The following HYDIN variants were observed in gnomAD, a reference collection of about 807,000 sequenced individuals.
HYDIN encodes the protein HYDIN axonemal central pair apparatus protein, also known as axonemal central pair apparatus protein HYDIN.
Under a neutral mutation model 403.9 loss-of-function variants are expected in HYDIN, and 132 were observed. The ratio of observed to expected loss-of-function variants is 0.33; its 90% CI spans 0.28 to 0.38. The LOEUF (loss-of-function observed/expected upper bound fraction) is 0.38, where lower values mean the gene tolerates loss of function less well. HYDIN is among the 10% of genes least tolerant of loss of function. The pLI is 1.00. For synonymous variants in HYDIN, 1,202 were observed against 1,891.7 expected (o/e 0.64, Z 9.46); for missense variants, 2,827 against 5,009.5 (o/e 0.56, Z 13.15).
chr16:70,810,057 C>A, intron 84 of HYDIN, 50 bp from the exon 85 acceptor site: 1 of 1,547,262 alleles, frequency 6.5e-7, no homozygotes, highest in South Asian at 1.1e-5. Context: ...TAATTCATCA[C>A]CTGCCACCTA....
At chr16:71,198,671 T>C (rs1403231777) in intron 1 of HYDIN, among the ~76,000 whole-genome samples, 2 of 152,080 alleles carry the variant, frequency 1.3e-5, no homozygotes, top group African/African-American at 4.8e-5. Flanking sequence ...TGGTGCAAAG[T>C]GAGACTCCAT....
intron 23 of HYDIN, among the ~76,000 whole-genome samples, chr16:71,001,782 G>C (rs888825130): frequency 6.6e-5 from 10 of 151,678 alleles, no homozygotes; most frequent in Non-Finnish European, 1.5e-4. Flanking sequence ...GAGGTAGGGA[G>C]CCTGGAGGGA....
chr16:71,075,277 T>C (rs2082595134), intron 13 of HYDIN, among the ~76,000 whole-genome samples: 1 of 151,700 alleles, frequency 6.6e-6, no homozygotes, highest in Non-Finnish European at 1.5e-5. Flanking sequence ...TGTTTCTAAT[T>C]TTCAGCTAAG....
intron 75 of HYDIN, among the ~76,000 whole-genome samples, chr16:70,843,602 C>A (rs1485317400): frequency 7.2e-6 from 1 of 139,106 alleles, no homozygotes; most frequent in Non-Finnish European, 1.5e-5. Context: ...ATTCTAGGTC[C>A]CTGAGGAATC....
Position 70,974,527 on chromosome 16 carries a change from TG to T in HYDIN, c.4909+6del. 1 of 1,608,082 alleles carries T rather than the reference TG, an allele frequency of 6.2e-7. No individual in the cohort carries two copies. The highest frequency in any genetic ancestry group is 2.2e-5 in the East Asian group (1 of 44,716). ...GCAATAGGAAAGGGTCTCCCCAGCC[TG>T]GGTACCTGTCTCATGAAGGACACGC... On this transcript the variant is annotated splice_donor_region_variant and intron_variant, in intron 32 of 85. Transcript: ENST00000393567.
At chr16:71,027,546 A>T in intron 20 of HYDIN, 56 bp downstream of exon 20, 1 of 1,607,216 alleles carries the variant, frequency 6.2e-7, no homozygotes, top group East Asian at 2.2e-5. Flanking sequence ...AGAAATAGAT[A>T]CAGTAGAGAT....
chr16:71,129,510 A>G, intron 9 of HYDIN, 130 bp downstream of exon 9: 2 of 724,688 alleles, frequency 2.8e-6, no homozygotes, highest in Non-Finnish European at 2.2e-6. Context: ...AGTGATGGTG[A>G]GTTTCTTCAG....
intron 7 of HYDIN, among the ~76,000 whole-genome samples, chr16:71,141,155 A>G (rs1055006369): frequency 5.3e-5 from 8 of 150,446 alleles, no homozygotes; most frequent in African/African-American, 2.0e-4. Flanking sequence ...TCAGTGGAAT[A>G]GAATGAAGTC....
chr16:71,103,747 G>A (rs2083526167), intron 10 of HYDIN, among the ~76,000 whole-genome samples: 1 of 151,360 alleles, frequency 6.6e-6, no homozygotes, highest in Non-Finnish European at 1.5e-5. Flanking sequence ...GCATTTCCAT[G>A]TGAATTTTAG....
chr16:70,942,203 T>G (rs898871864), intron 42 of HYDIN, among the ~76,000 whole-genome samples: 9 of 150,462 alleles, frequency 6.0e-5, no homozygotes, highest in African/African-American at 2.2e-4. Flanking sequence ...TTTTGTATTT[T>G]TAGTAGAGAC....
At chr16:71,123,836 C>T (rs2084348522) in intron 9 of HYDIN, among the ~76,000 whole-genome samples, 1 of 152,042 alleles carries the variant, frequency 6.6e-6, no homozygotes, top group African/African-American at 2.4e-5. Flanking sequence ...ACTTGGTTCT[C>T]ATTCTTTCTT....
At chr16:71,047,068 T>A (rs916931636) in intron 18 of HYDIN, among the ~76,000 whole-genome samples, 5 of 152,196 alleles carry the variant, frequency 3.3e-5, no homozygotes, top group Non-Finnish European at 5.9e-5. Flanking sequence ...GCTAGCTGTA[T>A]AATTTAGTTG....
intron 47 of HYDIN, among the ~76,000 whole-genome samples, chr16:70,911,814 G>T (rs1298402797): frequency 6.7e-6 from 1 of 150,320 alleles, no homozygotes; most frequent in African/African-American, 2.5e-5. Context: ...TCCTTGCAGA[G>T]GTCTTTCACC....
chr16:71,203,274 T>C (rs763578217), intron 1 of HYDIN, among the ~76,000 whole-genome samples: 15 of 152,196 alleles, frequency 9.9e-5, no homozygotes, highest in Non-Finnish European at 1.3e-4. Flanking sequence ...TGAACCATCC[T>C]AGTGTCCTAA....
chr16:71,047,535 T>C (rs1293032883), intron 18 of HYDIN, among the ~76,000 whole-genome samples: 2 of 152,058 alleles, frequency 1.3e-5, no homozygotes, highest in Non-Finnish European at 2.9e-5. Flanking sequence ...ATCACTGTTA[T>C]CCTCTTTGGC....
rs2076969722 is a variant in HYDIN, at chr16:70,920,753, G to C, written c.7623C>G (p.Ala2541=). ...AERERLEKLR[A]LEERSDWEGE... ...CCTCCCAGTCGCTCCGCTCCTCCAG[G>C]GCTCGCAGCTTCTCCAGGCGCTCCC... The change falls in exon 46 of 86, where the codon GCC becomes GCG. Residue 2541 remains alanine (A), a synonymous_variant. Transcript: ENST00000393567. 1.3e-6 allele frequency: 2 copies of C among 1,567,926 alleles called. No individual in the cohort carries two copies. The highest frequency in any genetic ancestry group is 2.4e-5 in the East Asian group (1 of 42,410).
chr16:70,898,042 G>A (rs112866195), intron 53 of HYDIN, among the ~76,000 whole-genome samples: 4 of 151,510 alleles, frequency 2.6e-5, no homozygotes, highest in Non-Finnish European at 4.4e-5. Flanking sequence ...GGTGGTGCAC[G>A]CCTGTGGTCC....
In HYDIN at chr16:70,938,681, G is replaced by C. The variant is rs936078671; in HGVS notation, c.6928C>G (p.Leu2310Val). ...AATGTGAGTTTCTCCTCCTCAGTCA[G>C]GGCATCATATTCTTCCTCATCCATG... Reference protein sequence around the residue: ...QNMDEEEYDALTEEEKLTFDR... With the variant: ...QNMDEEEYDAVTEEEKLTFDR... Residue 2310 changes from leucine to valine, a missense_variant, in exon 44 of 86, where the codon CTG becomes GTG. Physicochemically the swap from Leu to Val is conservative, Grantham distance 32 (BLOSUM62 1). Transcript: ENST00000393567. The C allele has an allele frequency of 2.5e-6, 4 of 1,612,954 alleles. No homozygotes were observed. The African/African-American group carries it at 5.3e-5, about 22-fold the overall frequency.
At position 71,093,924 on chromosome 16, in the gene HYDIN, G is replaced by A. The variant is rs750057896; in HGVS notation, c.1339C>T (p.Arg447Cys). 19 of 1,613,102 alleles carry A rather than the reference G, an allele frequency of 1.2e-5. No individual in the cohort carries two copies. Among genetic ancestry groups the A allele is most frequent in the African/African-American group, 2.7e-5 (2 of 74,860 alleles). Residue 447 changes from arginine (R) to cysteine (C), a missense_variant, in exon 11 of 86, where the codon CGT becomes TGT. Arg to Cys is a radical substitution (Grantham distance 180). Transcript: ENST00000393567. ...IYCDILGREIRLPLRIKGEGM... is the reference protein window; with the variant it reads ...IYCDILGREICLPLRIKGEGM... The stretch of plus-strand genomic sequence containing the variant: ...TCCCCTTTGATTCGGAGGGGCAGAC[G>A]GATTTCTCGGCCTAGAAAAACAATT...
Sources: allele counts gnomAD v4.1 joint callset (sites outside exome capture counted in the v4.1 genomes callset), GRCh38; gene constraint gnomAD v4.1.1; transcripts MANE v1.5; gene names NCBI Gene and HGNC (gene_info 2026-07-23, HGNC 2026-07-21).